EPHB2: variants seen among roughly 807,000 people sequenced by gnomAD.
EPHB2 encodes the protein EPH receptor B2, also known as ephrin type-B receptor 2.
EPHB2 carries 18 observed loss-of-function variants against 96.4 expected under a neutral mutation model. The ratio of observed to expected loss-of-function variants is 0.19; its 90% confidence interval spans 0.13 to 0.28. The LOEUF (loss-of-function observed/expected upper bound fraction) is 0.28. Ranked by LOEUF, EPHB2 falls within the 10% of genes least tolerant of loss-of-function variation. The pLI, the probability that EPHB2 is intolerant of heterozygous loss-of-function variation, is 1.00. For missense variants in EPHB2, 989 were observed against 1,355.4 expected (o/e 0.73, Z 4.25); for synonymous variants, 506 against 534.1 (o/e 0.95, Z 0.72).
chr1:22,811,483 C>T (rs1311833939), intron 3 of EPHB2, among the ~76,000 whole-genome samples: 4 of 152,216 alleles, frequency 2.6e-5, no homozygotes, highest in African/African-American at 7.2e-5. Flanking sequence ...GCTTGTCTGT[C>T]CTCATGGGTG....
chr1:22,755,945 T>A (rs1417548448), intron 1 of EPHB2, among the ~76,000 whole-genome samples: 1 of 151,998 alleles, frequency 6.6e-6, no homozygotes, highest in Non-Finnish European at 1.5e-5. Context: ...TCTAGAAAGA[T>A]AGTTCTTTGT....
intron 1 of EPHB2, among the ~76,000 whole-genome samples, chr1:22,713,471 G>T (rs749589223): frequency 6.6e-6 from 1 of 152,144 alleles, no homozygotes; most frequent in Admixed American, 6.5e-5. Flanking sequence ...TGATGACAGC[G>T]CCTGTCCTGC....
chr1:22,852,798 G>A (rs943956109), intron 3 of EPHB2, among the ~76,000 whole-genome samples: 4 of 152,248 alleles, frequency 2.6e-5, no homozygotes, highest in African/African-American at 4.8e-5. Context: ...TCAGAGAGCC[G>A]TTATGGAGCA....
At chr1:22,813,927 C>T (rs1286919925) in intron 3 of EPHB2, among the ~76,000 whole-genome samples, 2 of 152,158 alleles carry the variant, frequency 1.3e-5, no homozygotes, top group African/African-American at 2.4e-5. Flanking sequence ...GTAATCCCAT[C>T]GCTTTGGGAG....
chr1:22,769,877 G>A (rs1644355083), intron 1 of EPHB2, among the ~76,000 whole-genome samples: 1 of 152,178 alleles, frequency 6.6e-6, no homozygotes, highest in Non-Finnish European at 1.5e-5. Context: ...AAGAAGAGAG[G>A]TAGGGAGGGA....
At chr1:22,841,178 C>A (rs1455567236) in intron 3 of EPHB2, among the ~76,000 whole-genome samples, 1 of 152,222 alleles carries the variant, frequency 6.6e-6, no homozygotes, top group Non-Finnish European at 1.5e-5. Flanking sequence ...GGGCTCTAAT[C>A]ATGGTATTAG....
chr1:22,725,459 A>G (rs1643561165), intron 1 of EPHB2, among the ~76,000 whole-genome samples: 1 of 152,118 alleles, frequency 6.6e-6, no homozygotes, highest in Admixed American at 6.5e-5. Flanking sequence ...CGATGAAATC[A>G]ATGGATAAAT....
chr1:22,729,926 C>A (rs1482571083), intron 1 of EPHB2, among the ~76,000 whole-genome samples: 1 of 152,176 alleles, frequency 6.6e-6, no homozygotes, highest in Non-Finnish European at 1.5e-5. Context: ...AATGAATGCA[C>A]GGCTCTCAGA....
At chr1:22,878,874 G>A (rs757605675) in intron 5 of EPHB2, among the ~76,000 whole-genome samples, 39 of 152,238 alleles carry the variant, frequency 2.6e-4, no homozygotes, top group Non-Finnish European at 4.8e-4. Context: ...CCTGGCAGCA[G>A]CGCAATCCAA....
chr1:22,805,546 A>C (rs1570311537), intron 3 of EPHB2, among the ~76,000 whole-genome samples: 1 of 151,598 alleles, frequency 6.6e-6, no homozygotes, highest in South Asian at 2.1e-4. Flanking sequence ...CCCTCTCCCC[A>C]CCTCTCTACA....
intron 1 of EPHB2, among the ~76,000 whole-genome samples, chr1:22,770,854 G>A (rs1325549601): frequency 1.3e-5 from 2 of 151,908 alleles, no homozygotes; most frequent in Non-Finnish European, 2.9e-5. Context: ...AGTGGAGTGG[G>A]ACAGATGGAT....
At chr1:22,728,973 G>A (rs774260708) in intron 1 of EPHB2, among the ~76,000 whole-genome samples, 31 of 151,660 alleles carry the variant, frequency 2.0e-4, no homozygotes, top group Non-Finnish European at 4.1e-4. Flanking sequence ...TGCACGCGGC[G>A]GGCCAGGCTG....
chr1:22,836,401 A>G (rs1348497576), intron 3 of EPHB2, among the ~76,000 whole-genome samples: 1 of 152,106 alleles, frequency 6.6e-6, no homozygotes. Flanking sequence ...GAAGACAGCT[A>G]TTGTGGTTTT....
chr1:22,729,882 C>G (rs1009383445), intron 1 of EPHB2, among the ~76,000 whole-genome samples: 1 of 152,356 alleles, frequency 6.6e-6, no homozygotes, highest in Non-Finnish European at 1.5e-5. Context: ...CTAGTAAGTG[C>G]TCAACTGATA....
intron 3 of EPHB2, chr1:22,800,418 T>C (rs539961589): frequency 1.3e-5 from 2 of 152,328 alleles, no homozygotes; most frequent in South Asian, 2.1e-4. Context: ...CCCCAGCATA[T>C]GTGTGCAGGG....
intron 5 of EPHB2, among the ~76,000 whole-genome samples, chr1:22,876,988 A>G (rs969882576): frequency 6.7e-6 from 1 of 148,892 alleles, no homozygotes; most frequent in Admixed American, 6.6e-5. Flanking sequence ...TGCCTCCACC[A>G]GCAGCTGAGT....
At chr1:22,850,200 AG>A (rs979089475) in intron 3 of EPHB2, among the ~76,000 whole-genome samples, 7 of 152,036 alleles carry the variant, frequency 4.6e-5, no homozygotes, top group African/African-American at 1.7e-4. Context: ...CTGGAGGGGG[AG>A]GGGGCTTTCC....
chr1:22,853,086 C>A (rs750914452), intron 3 of EPHB2, among the ~76,000 whole-genome samples: 11 of 152,234 alleles, frequency 7.2e-5, no homozygotes, highest in Non-Finnish European at 1.6e-4. Flanking sequence ...CACGGTGGCT[C>A]ATGCCTGTAA....
At chr1:22,725,732 G>A (rs1191718155) in intron 1 of EPHB2, among the ~76,000 whole-genome samples, 2 of 152,146 alleles carry the variant, frequency 1.3e-5, no homozygotes, top group Non-Finnish European at 2.9e-5. Flanking sequence ...CACACTTTTG[G>A]AGATATGTTC....
Sources: allele counts gnomAD v4.1 joint callset (sites outside exome capture counted in the v4.1 genomes callset), GRCh38; gene constraint gnomAD v4.1.1; transcripts MANE v1.5; gene names NCBI Gene and HGNC (gene_info 2026-07-23, HGNC 2026-07-21).